The following PRKCB variants were observed in gnomAD, a reference collection of about 807,000 sequenced individuals.
The protein encoded by PRKCB is protein kinase C beta.
A neutral mutation model predicts 81.5 loss-of-function variants in PRKCB; 13 were observed. The observed-to-expected ratio is 0.16, with a 90% CI of 0.10 to 0.25. The LOEUF (loss-of-function observed/expected upper bound fraction) is 0.25, where lower values mean the gene tolerates loss of function less well. Ranked by LOEUF, PRKCB falls within the 10% of genes least tolerant of loss-of-function variation. PRKCB has a pLI of 1.00. For missense variants in PRKCB, 509 were observed against 875.7 expected, an observed-to-expected ratio of 0.58 and a Z score of 5.29; for synonymous variants, 335 against 321.4, an observed-to-expected ratio of 1.04 and a Z score of -0.45.
intron 2 of PRKCB, among the ~76,000 whole-genome samples, chr16:23,881,215 A>T (rs1422562054): frequency 2.7e-5 from 4 of 150,622 alleles, no homozygotes; most frequent in African/African-American, 9.8e-5. Flanking sequence ...CAGAGCATTG[A>T]CAGGGCCCTG....
intron 13 of PRKCB, among the ~76,000 whole-genome samples, chr16:24,181,291 G>A (rs1157956726): frequency 6.6e-6 from 1 of 152,170 alleles, no homozygotes; most frequent in African/African-American, 2.4e-5. Flanking sequence ...CCCTGGGCTG[G>A]CATATGACAT....
intron 2 of PRKCB, among the ~76,000 whole-genome samples, chr16:23,925,465 G>A (rs1271538440): frequency 3.3e-5 from 5 of 151,936 alleles, no homozygotes; most frequent in East Asian, 1.9e-4. Context: ...AAGGTTGGCC[G>A]TTTCCAAGGA....
Position 24,030,617 on chromosome 16 carries a change from A to G in PRKCB, c.289-1519A>G, listed in dbSNP as rs533157861. Among the ~76,000 whole-genome samples the G allele has an allele frequency of 2.0e-4, 31 of 151,618 alleles. No individual in the cohort carries two copies. In the South Asian group the frequency reaches 6.3e-3, roughly 31 times the overall value. ...AAATTAGCTGGGCATGGTGGTGTGCACCTGGCATTCCAGCAATTTTGGAGG... is the reference window on the plus strand; with the variant it reads ...AAATTAGCTGGGCATGGTGGTGTGCGCCTGGCATTCCAGCAATTTTGGAGG... On this transcript the variant is annotated intron_variant, in intron 3 of 16. Transcript: ENST00000643927.
intron 2 of PRKCB, among the ~76,000 whole-genome samples, chr16:23,877,632 C>T (rs1001841052): frequency 3.3e-5 from 5 of 152,192 alleles, no homozygotes; most frequent in African/African-American, 1.2e-4. Flanking sequence ...CTGGGCCACT[C>T]AACTCAGGAA....
chr16:24,054,824 T>C (rs1386144823), intron 5 of PRKCB, among the ~76,000 whole-genome samples: 2 of 152,228 alleles, frequency 1.3e-5, no homozygotes. Context: ...TTTCCCTCTG[T>C]CTGGCCTTGT....
At chr16:24,178,406 C>T (rs548246622) in intron 12 of PRKCB, among the ~76,000 whole-genome samples, 25 of 152,336 alleles carry the variant, frequency 1.6e-4, no homozygotes, top group African/African-American at 6.0e-4. Context: ...GAGGTGCCCT[C>T]CAGCCTCAGG....
intron 2 of PRKCB, among the ~76,000 whole-genome samples, chr16:23,905,845 A>T (rs542497098): frequency 6.6e-6 from 1 of 152,320 alleles, no homozygotes; most frequent in Admixed American, 6.5e-5. Flanking sequence ...TTTCATATGT[A>T]GCTTTTCCTT....
chr16:23,856,722 C>T (rs943431636), intron 2 of PRKCB, among the ~76,000 whole-genome samples: 5 of 151,994 alleles, frequency 3.3e-5, no homozygotes, highest in African/African-American at 1.2e-4. Flanking sequence ...ATAGGGTCTC[C>T]CTATGTTGCT....
chr16:24,211,434 T>A lies in PRKCB; in HGVS notation c.1864-3224T>A, dbSNP rs182175989. 3.3e-3 allele frequency among the ~76,000 whole-genome samples: 495 copies of A among 152,266 alleles called. 11 individuals carry two copies. The highest frequency in any genetic ancestry group is 0.031 in the Admixed American group (468 of 15,290). The stretch of plus-strand genomic sequence containing the variant: ...TTATCCTCATATCACAACCCCAGTG[T>A]GATAGGAATTAAAATTGCTCCCATT... On this transcript the variant is annotated intron_variant, in intron 16 of 16. Transcript: ENST00000643927.
At chr16:23,949,228 A>C (rs1464625628) in intron 2 of PRKCB, among the ~76,000 whole-genome samples, 1 of 152,252 alleles carries the variant, frequency 6.6e-6, no homozygotes, top group Non-Finnish European at 1.5e-5. Flanking sequence ...AAAGAAAGAA[A>C]GAACGAACGA....
intron 2 of PRKCB, among the ~76,000 whole-genome samples, chr16:23,890,137 C>T (rs1473425380): frequency 6.6e-6 from 1 of 152,198 alleles, no homozygotes; most frequent in East Asian, 1.9e-4. Context: ...CTATTGAACA[C>T]TGCATTCCAC....
At position 23,868,039 on chromosome 16, in the gene PRKCB, G is replaced by A. The variant is rs1010515158; in HGVS notation, c.205+30633G>A. On this transcript the variant is annotated intron_variant, in intron 2 of 16. Coordinates refer to ENST00000643927, the MANE Select transcript of PRKCB (RefSeq NM_002738.7). ...ATGGTAGATGTAGATCTTCCCCTAC[G>A]GATTTGTTTTCTGAAGATCTCCTTA... Among the ~76,000 whole-genome samples the A allele has an allele frequency of 3.9e-5, 6 of 151,974 alleles. No individual in the cohort carries two copies. In the East Asian group the frequency reaches 5.8e-4, roughly 15 times the overall value.
At chr16:24,148,404 C>A (rs531268373) in intron 9 of PRKCB, among the ~76,000 whole-genome samples, 14 of 152,276 alleles carry the variant, frequency 9.2e-5, no homozygotes, top group African/African-American at 2.9e-4. Flanking sequence ...AGGGCAGGAA[C>A]CTTGTCGTTC....
chr16:23,858,663 G>A (rs942592857), intron 2 of PRKCB, among the ~76,000 whole-genome samples: 21 of 152,278 alleles, frequency 1.4e-4, no homozygotes, highest in Non-Finnish European at 3.1e-4. Flanking sequence ...CGTGATCACA[G>A]TAGGCTGATT....
chr16:24,106,607 A>G (rs949495288), intron 7 of PRKCB, among the ~76,000 whole-genome samples: 1 of 152,224 alleles, frequency 6.6e-6, no homozygotes, highest in African/African-American at 2.4e-5. Context: ...GATGACTTTA[A>G]GCATATACAC....
chr16:24,130,228 T>G (rs1229504473), intron 9 of PRKCB, among the ~76,000 whole-genome samples: 1 of 152,150 alleles, frequency 6.6e-6, no homozygotes, highest in Non-Finnish European at 1.5e-5. Context: ...AAACGCATAG[T>G]TTTTAAAATG....
At chr16:24,095,037 C>G (rs1966423481) in intron 7 of PRKCB, among the ~76,000 whole-genome samples, 1 of 152,034 alleles carries the variant, frequency 6.6e-6, no homozygotes, top group South Asian at 2.1e-4. Context: ...GTTAATGCCC[C>G]CTTTAGACAG....
chr16:24,181,352 G>A (rs1047768771), intron 13 of PRKCB, among the ~76,000 whole-genome samples: 3 of 152,144 alleles, frequency 2.0e-5, no homozygotes, highest in South Asian at 2.1e-4. Flanking sequence ...ACAATAGCCC[G>A]TGATTTATTT....
intron 3 of PRKCB, among the ~76,000 whole-genome samples, chr16:23,996,208 A>G (rs1346483298): frequency 1.3e-5 from 2 of 152,168 alleles, no homozygotes; most frequent in Non-Finnish European, 2.9e-5. Context: ...GTGAGTGCTT[A>G]CCAAAGGGTG....
Sources: gnomAD v4.1 joint callset for allele counts (sites outside exome capture counted in the v4.1 genomes callset) on GRCh38, gnomAD v4.1.1 for gene constraint, MANE v1.5 for transcripts, NCBI Gene and HGNC (gene_info 2026-07-23, HGNC 2026-07-21) for gene names.